Variants in RUNX1 observed in about 807,000 individuals in gnomAD.
The protein encoded by RUNX1 is RUNX family transcription factor 1, also known as runt-related transcription factor 1.
In RUNX1, 19 loss-of-function variants were observed where a neutral mutation model predicts 42.8. That is an observed-to-expected ratio of 0.44 (90% CI 0.31 to 0.65). The LOEUF is 0.65. Ranked by LOEUF, RUNX1 falls within the 30% of genes least tolerant of loss-of-function variation. RUNX1 has a pLI of 0.07. For missense variants in RUNX1, 528 were observed against 672.0 expected (o/e 0.79, Z 2.37); for synonymous variants, 271 against 289.4 (o/e 0.94, Z 0.64).
chr21:35,035,087 A>C (rs2059298110), intron 2 of RUNX1, among the ~76,000 whole-genome samples: 1 of 152,212 alleles, frequency 6.6e-6, no homozygotes, highest in Non-Finnish European at 1.5e-5. Flanking sequence ...GTAAGGAAGA[A>C]AATGGGAAAG....
At chr21:34,991,204 C>A (rs1461415134) in intron 2 of RUNX1, among the ~76,000 whole-genome samples, 2 of 152,228 alleles carry the variant, frequency 1.3e-5, no homozygotes, top group Non-Finnish European at 2.9e-5. Flanking sequence ...TTCAGGTTTT[C>A]TGAACATGCC....
intron 7 of RUNX1, among the ~76,000 whole-genome samples, chr21:34,828,895 C>T (rs74707943): frequency 0.022 from 3,397 of 152,180 alleles, 79 homozygotes; most frequent in African/African-American, 0.057. Context: ...TATATATTAC[C>T]CAGTCTATAA....
intron 7 of RUNX1, among the ~76,000 whole-genome samples, chr21:34,830,734 T>C (rs1721846973): frequency 6.6e-6 from 1 of 152,222 alleles, no homozygotes; most frequent in South Asian, 2.1e-4. Context: ...CTATAAATGA[T>C]ACCACAGGAT....
chr21:34,977,196 A>G (rs1220794986), intron 2 of RUNX1, among the ~76,000 whole-genome samples: 1 of 152,230 alleles, frequency 6.6e-6, no homozygotes, highest in Non-Finnish European at 1.5e-5. Flanking sequence ...TTTAAAAAGA[A>G]AAGAAAAATT....
intron 4 of RUNX1, among the ~76,000 whole-genome samples, chr21:34,885,977 G>C (rs2146400008): frequency 6.6e-6 from 1 of 152,308 alleles, no homozygotes; most frequent in East Asian, 1.9e-4. Context: ...CCTGTTGAAG[G>C]TCAAGGTTTT....
At chr21:34,885,286 G>A (rs1282222435) in intron 4 of RUNX1, among the ~76,000 whole-genome samples, 2 of 152,114 alleles carry the variant, frequency 1.3e-5, no homozygotes, top group African/African-American at 4.8e-5. Context: ...GTGACCCCAT[G>A]GCCCAACCCT....
Position 34,883,399 on chromosome 21 carries a change from T to A in RUNX1, c.352-2686A>T, listed in dbSNP as rs534370757. Reference sequence around the variant, plus strand: ...GGCAATTCATTAATACTGTATATCGTCCAATTGTTAACAAGCATACTTAAG... The same window carrying A: ...GGCAATTCATTAATACTGTATATCGACCAATTGTTAACAAGCATACTTAAG... On this transcript the variant is annotated intron_variant, in intron 4 of 8. Coordinates refer to ENST00000675419, the MANE Select transcript of RUNX1 (RefSeq NM_001754.5). 9.2e-5 allele frequency among the ~76,000 whole-genome samples: 14 copies of A among 152,286 alleles called. No individual in the cohort carries two copies. In the South Asian group the frequency reaches 2.7e-3, roughly 29 times the overall value.
chr21:34,959,355 T>A (rs2058667756), intron 2 of RUNX1, among the ~76,000 whole-genome samples: 1 of 152,168 alleles, frequency 6.6e-6, no homozygotes, highest in African/African-American at 2.4e-5. Flanking sequence ...AAGCTCTCTG[T>A]CCCTCAGTTC....
chr21:34,821,216 C>T (rs936951778), intron 7 of RUNX1: 107 of 1,030,322 alleles, frequency 1.0e-4, no homozygotes, highest in South Asian at 2.3e-4. Flanking sequence ...TGGAGAGGAC[C>T]GATGGGTACA....
rs1468254757 is a variant in RUNX1 at position 34,951,001 on chromosome 21, C to CTAA, written c.59-58039_59-58038insTTA. ...CTACTGATGTAGTGCTCTTTAATAG[C>CTAA]TCATTATGAAGTTTGTTAGAAGAGA... On this transcript the variant is annotated intron_variant, in intron 2 of 8. Coordinates refer to ENST00000675419, the MANE Select transcript of RUNX1 (RefSeq NM_001754.5). Among the ~76,000 whole-genome samples, 3 of 152,198 alleles carry CTAA rather than the reference C, an allele frequency of 2.0e-5. No homozygotes were observed. In the East Asian group the frequency reaches 5.8e-4, roughly 29 times the overall value.
intron 2 of RUNX1, among the ~76,000 whole-genome samples, chr21:34,954,629 T>C (rs2058631799): frequency 6.6e-6 from 1 of 152,224 alleles, no homozygotes; most frequent in South Asian, 2.1e-4. Context: ...GGGAATAAGC[T>C]AACCTCTTCC....
At chr21:34,976,849 C>T (rs780919267) in intron 2 of RUNX1, among the ~76,000 whole-genome samples, 1 of 150,638 alleles carries the variant, frequency 6.6e-6, no homozygotes, top group Non-Finnish European at 1.5e-5. Flanking sequence ...TAGGTGATAT[C>T]GGTAGAAAAG....
intron 2 of RUNX1, among the ~76,000 whole-genome samples, chr21:34,984,017 G>A (rs1180145786): frequency 2.0e-5 from 3 of 152,188 alleles, no homozygotes; most frequent in African/African-American, 7.2e-5. Context: ...CCCAGTGGAT[G>A]TGTTCAGAAG....
chr21:34,942,900 C>T lies in RUNX1; in HGVS notation c.59-49937G>A, dbSNP rs549911809. On this transcript the variant is annotated intron_variant, in intron 2 of 8. Coordinates refer to ENST00000675419, the MANE Select transcript of RUNX1 (RefSeq NM_001754.5). ...CTTGGGTCAGGTTGAAGGAAAGTTT[C>T]CCTCTTTCTCCCCGGACCAGATGCA... Among the ~76,000 whole-genome samples, 8 of 152,296 alleles carry T rather than the reference C, an allele frequency of 5.3e-5. No individual in the cohort carries two copies. In the East Asian group the frequency reaches 9.7e-4, roughly 18 times the overall value.
chr21:35,005,318 T>C (rs960730913), intron 2 of RUNX1, among the ~76,000 whole-genome samples: 1 of 152,152 alleles, frequency 6.6e-6, no homozygotes. Context: ...ATTAGGATTC[T>C]GTATGACTCA....
At chr21:34,974,347 C>T (rs554846979) in intron 2 of RUNX1, among the ~76,000 whole-genome samples, 12 of 151,004 alleles carry the variant, frequency 7.9e-5, no homozygotes, top group East Asian at 7.8e-4. Flanking sequence ...GGGAACTCTA[C>T]GGAAACGAGG....
chr21:34,956,536 G>C (rs1351833261), intron 2 of RUNX1, among the ~76,000 whole-genome samples: 29 of 152,142 alleles, frequency 1.9e-4, no homozygotes, highest in Admixed American at 1.9e-3. Context: ...CACAGTGACT[G>C]GGCCATTTTG....
At chr21:34,798,031 A>G in intron 8 of RUNX1, 1 of 456,572 alleles carries the variant, frequency 2.2e-6, no homozygotes, top group South Asian at 1.5e-5. Context: ...CTTAGAAGGC[A>G]TTCTGTGAAG....
intron 5 of RUNX1, among the ~76,000 whole-genome samples, chr21:34,866,712 A>G (rs2057667979): frequency 6.6e-6 from 1 of 152,154 alleles, no homozygotes; most frequent in Admixed American, 6.5e-5. Flanking sequence ...ACTTGCACAT[A>G]ATTTCCTGAT....
Sources: allele counts gnomAD v4.1 joint callset (sites outside exome capture counted in the v4.1 genomes callset), GRCh38; gene constraint gnomAD v4.1.1; transcripts MANE v1.5; gene names NCBI Gene and HGNC (gene_info 2026-07-23, HGNC 2026-07-21).